GRID2: variants seen among roughly 807,000 people sequenced by gnomAD.
The protein encoded by GRID2 is glutamate receptor ionotropic, delta-2.
A neutral mutation model predicts 114.8 loss-of-function variants in GRID2; 33 were observed. That is an observed-to-expected ratio of 0.29 (90% CI 0.22 to 0.38). The LOEUF (loss-of-function observed/expected upper bound fraction) is 0.38. Ranked by LOEUF, GRID2 falls within the 10% of genes least tolerant of loss-of-function variation. The pLI is 1.00. For missense variants in GRID2, 1,184 were observed against 1,257.7 expected (o/e 0.94, Z 0.89); for synonymous variants, 505 against 449.9 (o/e 1.12, Z -1.55).
chr4:93,604,822 T>A (rs1448704909), intron 13 of GRID2, among the ~76,000 whole-genome samples: 2 of 152,216 alleles, frequency 1.3e-5, no homozygotes, highest in Non-Finnish European at 2.9e-5. Flanking sequence ...TTTTTAGCAA[T>A]AAAATATTTT....
intron 2 of GRID2, among the ~76,000 whole-genome samples, chr4:92,821,124 T>C (rs147402120): frequency 5.3e-4 from 80 of 152,304 alleles, no homozygotes; most frequent in African/African-American, 1.7e-3. Flanking sequence ...CAAAAGTAGA[T>C]ATTTTGAATT....
intron 2 of GRID2, among the ~76,000 whole-genome samples, chr4:92,809,126 C>T (rs1740551244): frequency 6.6e-6 from 1 of 151,898 alleles, no homozygotes; most frequent in Admixed American, 6.6e-5. Flanking sequence ...AAAAGCATCA[C>T]ATTTTATTAA....
At chr4:93,140,757 G>A (rs1034451820) in intron 4 of GRID2, among the ~76,000 whole-genome samples, 1 of 152,092 alleles carries the variant, frequency 6.6e-6, no homozygotes, top group Non-Finnish European at 1.5e-5. Context: ...AATATTGAAA[G>A]GTCTATGCCA....
chr4:93,404,401 G>T (rs768092077), intron 9 of GRID2, among the ~76,000 whole-genome samples: 3 of 152,058 alleles, frequency 2.0e-5, no homozygotes, highest in Non-Finnish European at 4.4e-5. Flanking sequence ...AATTATATCT[G>T]AATAAAGCTA....
At chr4:92,334,881 A>G (rs1165754994) in intron 1 of GRID2, among the ~76,000 whole-genome samples, 1 of 152,264 alleles carries the variant, frequency 6.6e-6, no homozygotes, top group Admixed American at 6.5e-5. Context: ...ACAGAGGAAC[A>G]GAGCCAAGTT....
At chr4:93,706,587 T>C (rs372546315) in intron 14 of GRID2, among the ~76,000 whole-genome samples, 1 of 152,326 alleles carries the variant, frequency 6.6e-6, no homozygotes, top group East Asian at 1.9e-4. Context: ...CTTTACTAAA[T>C]TTGTGTATCA....
chr4:92,361,864 A>C (rs1728635878), intron 1 of GRID2, among the ~76,000 whole-genome samples: 2 of 152,002 alleles, frequency 1.3e-5, no homozygotes, highest in Admixed American at 1.3e-4. Flanking sequence ...CTTTTAATGC[A>C]GCTTCCTCTT....
intron 3 of GRID2, among the ~76,000 whole-genome samples, chr4:93,100,276 A>G (rs1731587324): frequency 6.6e-6 from 1 of 151,888 alleles, no homozygotes; most frequent in Non-Finnish European, 1.5e-5. Context: ...TCAAATAGAA[A>G]TTCAATCTCA....
rs185862513 is a variant in GRID2, at chr4:93,006,517, T to C, written c.245-78478T>C. On this transcript the variant is annotated intron_variant, in intron 2 of 15. Transcript: ENST00000282020. ...TATGGTTTCTGGGGCAAATTAGAAG[T>C]GTATGGAAAATTCTTTGGTGGCTCT... Among the ~76,000 whole-genome samples the C allele has an allele frequency of 7.1e-3, 1,069 of 151,596 alleles. 6 individuals are homozygous for C. The highest frequency in any genetic ancestry group is 0.017 in the Middle Eastern group (5 of 294).
chr4:93,348,112 A>G (rs967921962), intron 8 of GRID2, among the ~76,000 whole-genome samples: 2 of 152,168 alleles, frequency 1.3e-5, no homozygotes, highest in African/African-American at 2.4e-5. Flanking sequence ...CTAAGAAAGC[A>G]TCTTTGAAGA....
chr4:93,768,519 A>T (rs1180130644), intron 14 of GRID2, among the ~76,000 whole-genome samples: 1 of 152,226 alleles, frequency 6.6e-6, no homozygotes, highest in Non-Finnish European at 1.5e-5. Flanking sequence ...ATTTGAATTT[A>T]ACTACTTCTG....
At chr4:93,468,533 A>C (rs1041760260) in intron 11 of GRID2, among the ~76,000 whole-genome samples, 4 of 152,160 alleles carry the variant, frequency 2.6e-5, no homozygotes, top group African/African-American at 7.2e-5. Context: ...CCTGAAGGAT[A>C]GGAAGGAATA....
chr4:92,731,413 G>T (rs1736324510), intron 2 of GRID2, among the ~76,000 whole-genome samples: 1 of 151,758 alleles, frequency 6.6e-6, no homozygotes, highest in Non-Finnish European at 1.5e-5. Context: ...TAAAGTAGCA[G>T]GATTCTGACT....
intron 1 of GRID2, among the ~76,000 whole-genome samples, chr4:92,489,747 G>A (rs139011182): frequency 4.3e-4 from 66 of 151,964 alleles, no homozygotes; most frequent in African/African-American, 1.5e-3. Flanking sequence ...TCAGGCGGCT[G>A]AGGCAGGAGA....
At chr4:92,933,457 A>G (rs539729019) in intron 2 of GRID2, among the ~76,000 whole-genome samples, 3 of 151,644 alleles carry the variant, frequency 2.0e-5, no homozygotes, top group East Asian at 3.9e-4. Context: ...TGAATACTGA[A>G]GGCTACACTG....
At chr4:92,616,249 G>T (rs769110695) in intron 2 of GRID2, among the ~76,000 whole-genome samples, 1 of 150,078 alleles carries the variant, frequency 6.7e-6, no homozygotes, top group Non-Finnish European at 1.5e-5. Flanking sequence ...TTTCCTGGAT[G>T]TAGGATTCTT....
intron 1 of GRID2, among the ~76,000 whole-genome samples, chr4:92,420,088 C>G (rs1306702404): frequency 6.6e-6 from 1 of 152,032 alleles, no homozygotes; most frequent in Non-Finnish European, 1.5e-5. Context: ...TTTAGCACTT[C>G]TTTTAAAAAA....
At chr4:93,292,080 C>T (rs1208777242) in intron 8 of GRID2, among the ~76,000 whole-genome samples, 1 of 152,120 alleles carries the variant, frequency 6.6e-6, no homozygotes, top group Non-Finnish European at 1.5e-5. Flanking sequence ...CAAGATGCTG[C>T]TCAGAAATTG....
intron 1 of GRID2, among the ~76,000 whole-genome samples, chr4:92,308,969 C>T (rs1161015629): frequency 1.3e-5 from 2 of 151,942 alleles, no homozygotes; most frequent in East Asian, 3.9e-4. Context: ...ATTTGAAGCA[C>T]AATTCAAGTG....
Sources: allele counts gnomAD v4.1 joint callset (sites outside exome capture counted in the v4.1 genomes callset), GRCh38; gene constraint gnomAD v4.1.1; transcripts MANE v1.5; gene names NCBI Gene and HGNC (gene_info 2026-07-23, HGNC 2026-07-21).